The following FHAD1 variants were observed in gnomAD, a reference collection of about 807,000 sequenced individuals.
FHAD1 encodes the protein forkhead associated phosphopeptide binding domain 1, also known as forkhead-associated domain-containing protein 1.
Under a neutral mutation model 191.3 loss-of-function variants are expected in FHAD1, and 146 were observed. That is an observed-to-expected ratio of 0.76 (90% CI 0.67 to 0.88). The LOEUF (loss-of-function observed/expected upper bound fraction) is 0.88, where lower values mean the gene tolerates loss of function less well. FHAD1 is among the 40% of genes least tolerant of loss of function. FHAD1 has a pLI of 0.00. For synonymous variants in FHAD1, 616 were observed against 672.3 expected (o/e 0.92, Z 1.29); for missense variants, 1,635 against 1,785.8 (o/e 0.92, Z 1.52).
intron 4 of FHAD1, among the ~76,000 whole-genome samples, chr1:15,292,148 CTTTTT>C (rs1665017968): frequency 6.9e-6 from 1 of 144,900 alleles, no homozygotes; most frequent in Non-Finnish European, 1.5e-5. Context: ...CTTTTCTTTT[CTTTTT>C]TTCTTTCTTT....
chr1:15,350,427 G>A (rs1168482238), intron 19 of FHAD1, among the ~76,000 whole-genome samples: 1 of 152,250 alleles, frequency 6.6e-6, no homozygotes, highest in Non-Finnish European at 1.5e-5. Context: ...TGGATAAAGT[G>A]GCACAGGTGT....
chr1:15,272,269 G>A, intron 2 of FHAD1, 54 bp from the exon 3 acceptor site: 2 of 1,488,320 alleles, frequency 1.3e-6, no homozygotes, highest in South Asian at 2.5e-5. Flanking sequence ...AAAACATTAG[G>A]GGCCGTGTCA....
At chr1:15,359,780 C>T (rs1403580543) in intron 21 of FHAD1, among the ~76,000 whole-genome samples, 1 of 151,968 alleles carries the variant, frequency 6.6e-6, no homozygotes, top group Non-Finnish European at 1.5e-5. Flanking sequence ...GAAACCCTAT[C>T]TCTACTAAAA....
chr1:15,252,506 T>G (rs1646907606), intron 2 of FHAD1, among the ~76,000 whole-genome samples: 1 of 152,150 alleles, frequency 6.6e-6, no homozygotes, highest in Non-Finnish European at 1.5e-5. Context: ...GAAAGTTGCT[T>G]TCACCCTGTC....
At chr1:15,307,724 A>G (rs1574186477) in intron 6 of FHAD1, among the ~76,000 whole-genome samples, 1 of 147,566 alleles carries the variant, frequency 6.8e-6, no homozygotes, top group South Asian at 2.1e-4. Flanking sequence ...TTCCAATTAA[A>G]CCTCTTTCTC....
chr1:15,362,510 T>G (rs895760600), intron 22 of FHAD1, 132 bp from the exon 23 acceptor site: 1 of 704,652 alleles, frequency 1.4e-6, no homozygotes, highest in African/African-American at 1.7e-5. Flanking sequence ...ATGGCACACG[T>G]GCAGGTCTCA....
At chr1:15,263,067 C>G (rs905826992) in intron 2 of FHAD1, among the ~76,000 whole-genome samples, 1 of 152,098 alleles carries the variant, frequency 6.6e-6, no homozygotes, top group Non-Finnish European at 1.5e-5. Context: ...CTTGAGCATT[C>G]TTCTCATATA....
intron 14 of FHAD1, among the ~76,000 whole-genome samples, chr1:15,336,591 A>C (rs1284751252): frequency 6.6e-6 from 1 of 152,002 alleles, no homozygotes; most frequent in Non-Finnish European, 1.5e-5. Flanking sequence ...TCAAAGGGGC[A>C]CTTCAAGATG....
intron 8 of FHAD1, 83 bp downstream of exon 8, chr1:15,313,270 C>G: frequency 6.9e-7 from 1 of 1,454,322 alleles, no homozygotes; most frequent in Non-Finnish European, 9.2e-7. Flanking sequence ...TTGTTTCATT[C>G]ACCCTGGGCC....
At chr1:15,370,255 G>C (rs535541893) in intron 26 of FHAD1, among the ~76,000 whole-genome samples, 19 of 152,334 alleles carry the variant, frequency 1.2e-4, no homozygotes, top group Non-Finnish European at 2.5e-4. Context: ...GAGATTACAA[G>C]TGTGAGCCAC....
intron 31 of FHAD1, among the ~76,000 whole-genome samples, chr1:15,384,729 G>A (rs1267399921): frequency 6.6e-6 from 1 of 152,152 alleles, no homozygotes; most frequent in African/African-American, 2.4e-5. Context: ...CACAACGTAG[G>A]GAAAGATTTG....
chr1:15,236,825 G>A (rs961379720), intron 1 of FHAD1, among the ~76,000 whole-genome samples: 1 of 152,218 alleles, frequency 6.6e-6, no homozygotes, highest in Admixed American at 6.5e-5. Context: ...TGGTTTGGCT[G>A]TGTCTGCAAC....
At position 15,349,672 on chromosome 1, in the gene FHAD1, A is replaced by C. The variant is rs556803756; in HGVS notation, c.2454+523A>C. ...TGAGGAGTAAAAGCACAAAGAGCAC[A>C]AAGAGAGATGGCACAGGTAGGTGCA... On this transcript the variant is annotated intron_variant, in intron 19 of 33. Transcript: ENST00000688493. Among the ~76,000 whole-genome samples, 10 of 152,372 alleles carry C rather than the reference A, an allele frequency of 6.6e-5. No homozygotes were observed. The South Asian group carries it at 1.2e-3, about 19-fold the overall frequency.
chr1:15,343,488 A>C (rs1047280240), intron 16 of FHAD1, among the ~76,000 whole-genome samples: 1 of 151,356 alleles, frequency 6.6e-6, no homozygotes, highest in African/African-American at 2.4e-5. Context: ...TACCACACAC[A>C]CCTGCCCTCC....
chr1:15,366,051 G>C (rs1466081466), intron 24 of FHAD1, 118 bp downstream of exon 24: 9 of 651,684 alleles, frequency 1.4e-5, no homozygotes, highest in Non-Finnish European at 2.4e-5. Context: ...ACTTTGGGAG[G>C]CCAAGGCAGT....
chr1:15,354,704 C>T (rs1159326659), intron 20 of FHAD1, among the ~76,000 whole-genome samples: 3 of 152,040 alleles, frequency 2.0e-5, no homozygotes, highest in Non-Finnish European at 2.9e-5. Context: ...ATGAAATCAA[C>T]GAATGAGTCA....
chr1:15,383,703 C>T (rs977976232), intron 31 of FHAD1: 3 of 303,978 alleles, frequency 9.9e-6, no homozygotes, highest in African/African-American at 6.5e-5. Context: ...TTCTTCATGA[C>T]CGTCTCCAGG....
At chr1:15,310,611 A>T (rs1301126873) in intron 7 of FHAD1, among the ~76,000 whole-genome samples, 1 of 152,172 alleles carries the variant, frequency 6.6e-6, no homozygotes, top group Non-Finnish European at 1.5e-5. Flanking sequence ...CATCACCTGG[A>T]TCCTTGTGAG....
chr1:15,360,510 G>T lies in FHAD1; in HGVS notation c.2769G>T (p.Gln923His). The change falls in exon 22 of 34, where the codon CAG (glutamine) becomes CAT (histidine). Residue 923 changes from glutamine (Q) to histidine (H), a missense_variant. Coordinates refer to ENST00000688493, the MANE Select transcript of FHAD1 (RefSeq NM_001391957.1). ...IMVEERLILQ[Q>H]KMVKALQDEQ... ...TGGAAGAGCGGCTAATCCTGCAGCA[G>T]AAGATGGTAAAGGCCCTCCAGGATG... The T allele has an allele frequency of 1.3e-6, 2 of 1,551,666 alleles. No homozygotes were observed. The highest frequency in any genetic ancestry group is 1.7e-6 in the Non-Finnish European group (2 of 1,146,912).
Sources: gnomAD v4.1 joint callset for allele counts (sites outside exome capture counted in the v4.1 genomes callset) on GRCh38, gnomAD v4.1.1 for gene constraint, MANE v1.5 for transcripts, NCBI Gene and HGNC (gene_info 2026-07-23, HGNC 2026-07-21) for gene names.